ENTPD2: variants seen among roughly 807,000 people sequenced by gnomAD.
ENTPD2 encodes the protein ectonucleoside triphosphate diphosphohydrolase 2.
A neutral mutation model predicts 46.8 loss-of-function variants in ENTPD2; 48 were observed. The observed-to-expected ratio is 1.03, with a 90% CI of 0.81 to 1.30. The LOEUF (loss-of-function observed/expected upper bound fraction) is 1.30. ENTPD2 is among the 50% of genes most tolerant of loss of function. The pLI is 0.00. For missense variants in ENTPD2, 707 were observed against 651.1 expected (o/e 1.09, Z -0.93); for synonymous variants, 316 against 286.1 (o/e 1.10, Z -1.06).
intron 1 of ENTPD2, 109 bp downstream of exon 1, chr9:137,053,767 GAGCAC>G: frequency 3.0e-6 from 2 of 677,064 alleles, no homozygotes; most frequent in Non-Finnish European, 4.1e-6. Flanking sequence ...GCCAGGAGCA[GAGCAC>G]GGTGGGGGTC....
intron 2 of ENTPD2, 82 bp downstream of exon 2, chr9:137,052,149 G>A: frequency 7.9e-7 from 1 of 1,261,226 alleles, no homozygotes; most frequent in Non-Finnish European, 1.1e-6. Flanking sequence ...TAAGCAGAAG[G>A]ACCTGCACTG....
chr9:137,053,812 G>T, intron 1 of ENTPD2, 69 bp downstream of exon 1: 1 of 1,061,604 alleles, frequency 9.4e-7, no homozygotes, highest in East Asian at 3.4e-5. Context: ...GTTCCCAGCC[G>T]CACCCCCTCC....
chr9:137,053,822 C>T, intron 1 of ENTPD2, 59 bp downstream of exon 1: 1 of 1,135,770 alleles, frequency 8.8e-7, no homozygotes, highest in African/African-American at 1.6e-5. Flanking sequence ...GCACCCCCTC[C>T]CCGGCTCCAA....
Position 137,050,482 on chromosome 9 carries a change from C to A in ENTPD2, c.831G>T (p.Gly277=), listed in dbSNP as rs1428983525. 2 of 1,612,732 alleles carry A rather than the reference C, an allele frequency of 1.2e-6. No homozygotes were observed. The highest frequency in any genetic ancestry group is 1.7e-6 in the Non-Finnish European group (2 of 1,180,010). The change falls in exon 6 of 9, where the codon GGG becomes GGT. Residue 277 remains glycine (G), a synonymous_variant. Transcript: ENST00000355097. ...TGGTGCATGGTGACTGGTACACATC[C>A]CCGAGCAGCACTTGGGTGGAAAAGC... ...PRGFSTQVLL[G]DVYQSPCTMA... is the part of the protein sequence containing the mutation.
In ENTPD2 at chr9:137,051,596, G is replaced by A. The variant is rs757893245; in HGVS notation, c.300C>T (p.Leu100=). ...SGASQSLVGC[L]EQALQDVPKE... Reference sequence around the variant, plus strand: ...TGGGCACATCCTGAAGCGCCTGTTCGAGGCATCCAACAAGACTCTGGCTGG... The same window carrying A: ...TGGGCACATCCTGAAGCGCCTGTTCAAGGCATCCAACAAGACTCTGGCTGG... The change falls in exon 3 of 9, where the codon CTC becomes CTT. Residue 100 remains leucine, a synonymous_variant. Coordinates refer to ENST00000355097, the MANE Select transcript of ENTPD2 (RefSeq NM_203468.3). 180 of 1,612,766 alleles carry A rather than the reference G, an allele frequency of 1.1e-4. 4 individuals are homozygous for A. The South Asian group carries it at 1.5e-3, about 14-fold the overall frequency.
intron 1 of ENTPD2, chr9:137,052,947 G>A (rs529782982): frequency 1.4e-4 from 21 of 152,404 alleles, no homozygotes; most frequent in African/African-American, 4.8e-4. Context: ...TGCCTTGTTG[G>A]GGGTGCTGGG....
At chr9:137,053,366 C>A (rs990943229) in intron 1 of ENTPD2, 2 of 152,546 alleles carry the variant, frequency 1.3e-5, no homozygotes, top group African/African-American at 4.8e-5. Flanking sequence ...TCCGGTCAAG[C>A]CCTCCTGTCT....
Position 137,048,726 on chromosome 9 carries a change from G to A in ENTPD2, c.1419C>T (p.Ser473=). 6.2e-7 allele frequency: 1 copy of A among 1,606,006 alleles called. No individual in the cohort carries two copies. The highest frequency in any genetic ancestry group is 8.5e-7 in the Non-Finnish European group (1 of 1,176,898). ...GCAGGACAAGCGCAGCCAGGAGCGC[G>A]GAGGCGAAGAGCAGCAGGAGGACGA... The part of the protein sequence containing the change: ...SWVVLLLLFA[S]ALLAALVLLL... Residue 473 remains serine, a synonymous_variant, in exon 9 of 9, where the codon TCC becomes TCT. Coordinates refer to ENST00000355097, the MANE Select transcript of ENTPD2 (RefSeq NM_203468.3).
At position 137,049,952 on chromosome 9, in the gene ENTPD2, C is replaced by A; in HGVS notation, c.1067G>T (p.Arg356Leu). 1.9e-6 allele frequency: 3 copies of A among 1,612,602 alleles called. No individual in the cohort carries two copies. The highest frequency in any genetic ancestry group is 2.5e-6 in the Non-Finnish European group (3 of 1,179,808). The change falls in exon 7 of 9, where the codon CGG (arginine) becomes CTG (leucine). Residue 356 changes from arginine to leucine, a missense_variant. Coordinates refer to ENST00000355097, the MANE Select transcript of ENTPD2 (RefSeq NM_203468.3). Reference sequence around the variant, plus strand: ...GGCCACGGGCAGCCCCATCGAAGTCCGCAAAAAGTCCACAGTGTAGAAGAA... The same window carrying A: ...GGCCACGGGCAGCCCCATCGAAGTCAGCAAAAAGTCCACAGTGTAGAAGAA... ...SAFFYTVDFL[R>L]TSMGLPVATL...
At chr9:137,050,636 T>C (rs564022734) in intron 5 of ENTPD2, 98 bp from the exon 6 acceptor site, 1 of 1,500,260 alleles carries the variant, frequency 6.7e-7, no homozygotes, top group Admixed American at 2.1e-5. Context: ...ACTTCACTTT[T>C]GTGCTCAGGG....
Position 137,050,533 on chromosome 9 carries a change from G to T in ENTPD2, c.780C>A (p.His260Gln). ...QRLLASALQT[H>Q]GFHPCWPRGF... is the part of the protein sequence containing the mutation. ...CCCTCGGCCAGCAGGGGTGGAAGCC[G>T]TGGGTCTGGGGGAATCACCAGCGTG... Residue 260 changes from histidine (H) to glutamine (Q), a missense_variant, in exon 6 of 9, where the codon CAC (histidine) becomes CAA (glutamine). By Grantham distance (24) the His-to-Gln change is conservative. Transcript: ENST00000355097. The T allele has an allele frequency of 6.2e-7, 1 of 1,612,144 alleles. No individual in the cohort carries two copies. Among genetic ancestry groups the T allele is most frequent in the South Asian group, 1.1e-5 (1 of 91,028 alleles).
rs753237383 is a variant in ENTPD2 at position 137,048,913 on chromosome 9, G to GGCCCCGCCCC, written c.1284+18_1284+27dup. The GGCCCCGCCCC allele has an allele frequency of 4.7e-6, 7 of 1,478,422 alleles. No individual in the cohort carries two copies. In the East Asian group the frequency reaches 1.0e-4, roughly 21 times the overall value. The allele number at this position is 1,478,422 out of a possible 1,614,324, so 91.6% of individuals were successfully genotyped here. A position where few individuals can be genotyped will look rare whatever the true frequency, so the allele number is the denominator to read the frequency against. On this transcript the variant is annotated intron_variant, in intron 8 of 8. Transcript: ENST00000355097. ...CCGAGAGGCCCCGCCCCGCAAGGTC[G>GGCCCCGCCCC]GCCCCGCCCCGCCCCGCCCCAGCCC...
At position 137,053,867 on chromosome 9, in the gene ENTPD2, G is replaced by A. The variant is rs1453344723; in HGVS notation, c.117+14C>T. ...GCTGCTCCCCAGACGTGCGCTGGGT[G>A]CCCGGGCGCGCACCTTGAGGGCGGG... On this transcript the variant is annotated intron_variant, in intron 1 of 8. Coordinates refer to ENST00000355097, the MANE Select transcript of ENTPD2 (RefSeq NM_203468.3). The A allele has an allele frequency of 2.0e-5, 25 of 1,221,614 alleles. No individual in the cohort carries two copies. Among genetic ancestry groups the A allele is most frequent in the Non-Finnish European group, 2.6e-5 (25 of 980,380 alleles). The allele number at this position is 1,221,614 out of a possible 1,614,324, so 75.7% of individuals were successfully genotyped here.
chr9:137,051,413 G>A, intron 3 of ENTPD2, 43 bp from the exon 4 acceptor site: 10 of 1,538,256 alleles, frequency 6.5e-6, no homozygotes, highest in South Asian at 1.3e-5. Flanking sequence ...TCCCCAGGTG[G>A]CTGTGAGCCT....
Position 137,052,351 on chromosome 9 carries a change from G to A in ENTPD2, c.118-3C>T, listed in dbSNP as rs545396334. The A allele has an allele frequency of 3.8e-6, 6 of 1,582,174 alleles. No individual in the cohort carries two copies. The highest frequency in any genetic ancestry group is 4.5e-5 in the East Asian group (2 of 44,436). ...CCAGCGTCCAGGACGATGCCATACTGCGGGGGAGGGGGAGGGAGTCAGCCT... is the reference window on the plus strand; with the variant it reads ...CCAGCGTCCAGGACGATGCCATACTACGGGGGAGGGGGAGGGAGTCAGCCT... On this transcript the variant is annotated splice_polypyrimidine_tract_variant and splice_region_variant and intron_variant, in intron 1 of 8. Transcript: ENST00000355097.
In ENTPD2 at chr9:137,048,492, G is replaced by A. The variant is rs112381056; in HGVS notation, c.*165C>T. ...GTGGAGCGGTGGGGGATAGAGGGTGGGTGGAGGAATGCAGGATACAGGGGC... is the reference window on the plus strand; with the variant it reads ...GTGGAGCGGTGGGGGATAGAGGGTGAGTGGAGGAATGCAGGATACAGGGGC... On this transcript the variant is annotated 3_prime_UTR_variant, in exon 9 of 9. Transcript: ENST00000355097. 3.5e-6 allele frequency: 2 copies of A among 565,836 alleles called. No individual in the cohort carries two copies. The highest frequency in any genetic ancestry group is 4.1e-5 in the African/African-American group (2 of 49,252). 35.1% of individuals were successfully genotyped at this position (565,836 alleles called of 1,614,324 possible).
rs781444543 is a variant in ENTPD2 at position 137,051,750 on chromosome 9, G to A, written c.236-90C>T. ...GAGAGTGAGGGTGGGGGTGGGGGCCGTGGGCTCCCAGACCAGGTGGCACAC... is the reference window on the plus strand; with the variant it reads ...GAGAGTGAGGGTGGGGGTGGGGGCCATGGGCTCCCAGACCAGGTGGCACAC... On this transcript the variant is annotated intron_variant, in intron 2 of 8. Coordinates refer to ENST00000355097, the MANE Select transcript of ENTPD2 (RefSeq NM_203468.3). 36 of 1,456,488 alleles carry A rather than the reference G, an allele frequency of 2.5e-5. 1 individual carries two copies. The highest frequency in any genetic ancestry group is 7.1e-5 in the African/African-American group (5 of 70,400). 90.2% of individuals were successfully genotyped at this position (1,456,488 alleles called of 1,614,324 possible). A position where few individuals can be genotyped will look rare whatever the true frequency, so the allele number is the denominator to read the frequency against.
In ENTPD2 at chr9:137,050,300, A is replaced by AC. The variant is rs1554744882; in HGVS notation, c.1012dup (p.Val338GlyfsTer301). 6.3e-7 allele frequency: 1 copy of AC among 1,596,862 alleles called. No homozygotes were observed. Among genetic ancestry groups the AC allele is most frequent in the Non-Finnish European group, 8.5e-7 (1 of 1,170,596 alleles). On this transcript the variant is annotated frameshift_variant, in exon 6 of 9. Transcript: ENST00000355097. LOFTEE classifies it high-confidence loss of function. ...CCTACTCACCACAAAGTTCCCAGCC[A>AC]CTGGGGGCTGGAAGACCCCATTGAA...
rs78069653 is a variant in ENTPD2, at chr9:137,051,179, C to T, written c.546+32G>A. 11,330 of 1,611,864 alleles carry T rather than the reference C, an allele frequency of 7.0e-3. 336 individuals are homozygous for T. The East Asian group carries it at 0.096, about 14-fold the overall frequency. On this transcript the variant is annotated intron_variant, in intron 4 of 8. Transcript: ENST00000355097. ...AACCAGGGGCCGAGGGCGCCCACGC[C>T]CCCTGGCTCTTTGGCTGGCTGCTGG...
Sources: allele counts gnomAD v4.1 joint callset, GRCh38; gene constraint gnomAD v4.1.1; transcripts MANE v1.5; gene names NCBI Gene and HGNC (gene_info 2026-07-23, HGNC 2026-07-21).